VDAC2: variants seen among roughly 807,000 people sequenced by gnomAD.
VDAC2 encodes voltage dependent anion channel 2.
A neutral mutation model predicts 36.6 loss-of-function variants in VDAC2; 6 were observed. That is an observed-to-expected ratio of 0.16 (90% confidence interval 0.09 to 0.32). The LOEUF (loss-of-function observed/expected upper bound fraction) is 0.32, where lower values mean the gene tolerates loss of function less well. VDAC2 is among the 10% of genes least tolerant of loss of function. The pLI is 1.00. For synonymous variants in VDAC2, 109 were observed against 123.8 expected (o/e 0.88, Z 0.79); for missense variants, 247 against 346.0 (o/e 0.71, Z 2.27).
chr10:75,225,730 T>C (rs1207342857), intron 8 of VDAC2, among the ~76,000 whole-genome samples: 1 of 152,220 alleles, frequency 6.6e-6, no homozygotes, highest in Non-Finnish European at 1.5e-5. Flanking sequence ...TGATAAACTT[T>C]GCATACCTCA....
At chr10:75,227,527 T>G (rs930197338) in intron 8 of VDAC2, among the ~76,000 whole-genome samples, 5 of 151,714 alleles carry the variant, frequency 3.3e-5, no homozygotes, top group Non-Finnish European at 5.9e-5. Flanking sequence ...TTATTTTTTC[T>G]ACTCCTTATC....
chr10:75,215,342 TAGAG>T (rs938594679), intron 4 of VDAC2, among the ~76,000 whole-genome samples: 22 of 151,576 alleles, frequency 1.5e-4, no homozygotes, highest in African/African-American at 4.1e-4. Flanking sequence ...TGTATATATA[TAGAG>T]AGAGAGAGAC....
intron 7 of VDAC2, among the ~76,000 whole-genome samples, chr10:75,222,007 C>A (rs1379559445): frequency 6.6e-6 from 1 of 152,112 alleles, no homozygotes; most frequent in African/African-American, 2.4e-5. Flanking sequence ...TGTTTGAGAA[C>A]CTCTTGCATG....
intron 6 of VDAC2, among the ~76,000 whole-genome samples, chr10:75,220,252 T>G (rs1841771541): frequency 6.6e-6 from 1 of 152,116 alleles, no homozygotes; most frequent in South Asian, 2.1e-4. Context: ...ATTACAGGCA[T>G]ATGCCACCGT....
At chr10:75,225,468 G>T (rs1224742590) in intron 8 of VDAC2, among the ~76,000 whole-genome samples, 1 of 152,158 alleles carries the variant, frequency 6.6e-6, no homozygotes, top group Non-Finnish European at 1.5e-5. Context: ...AAGTTGTTTG[G>T]CAGGAATTCT....
intron 8 of VDAC2, among the ~76,000 whole-genome samples, chr10:75,226,728 C>T (rs1841964273): frequency 6.6e-6 from 1 of 152,064 alleles, no homozygotes; most frequent in South Asian, 2.1e-4. Flanking sequence ...TCCCAAAGTG[C>T]CGGGGTAACA....
At position 75,231,278 on chromosome 10, in the gene VDAC2, C is replaced by A. The variant is rs111321825; in HGVS notation, c.*289C>A. On this transcript the variant is annotated 3_prime_UTR_variant, in exon 10 of 10. Transcript: ENST00000332211. ...GAAATAGACCTTTATGAAAACTGTG[C>A]AATTGTGTGCATGTTTGTTTTTATG... 1 of 231,496 alleles carries A rather than the reference C, an allele frequency of 4.3e-6. No homozygotes were observed. Among genetic ancestry groups the A allele is most frequent in the Non-Finnish European group, 8.5e-6 (1 of 117,272 alleles). The allele number at this position is 231,496 out of a possible 1,614,324, so 14.3% of individuals were successfully genotyped here.
rs756180973 is a variant in VDAC2, at chr10:75,230,884, T to A, written c.794-14T>A. On this transcript the variant is annotated splice_polypyrimidine_tract_variant and intron_variant, in intron 9 of 9. Coordinates refer to ENST00000332211, the MANE Select transcript of VDAC2 (RefSeq NM_001391963.1). ...ATCACGGTTTTTTGTTTTTGTGTTTTTTTGTCTTAATAGGTGTGAAGCTTA... is the reference window on the plus strand; with the variant it reads ...ATCACGGTTTTTTGTTTTTGTGTTTATTTGTCTTAATAGGTGTGAAGCTTA... 2 of 1,608,086 alleles carry A rather than the reference T, an allele frequency of 1.2e-6. No individual in the cohort carries two copies. Among genetic ancestry groups the A allele is most frequent in the Non-Finnish European group, 8.5e-7 (1 of 1,177,382 alleles).
intron 8 of VDAC2, among the ~76,000 whole-genome samples, chr10:75,225,992 C>T (rs960672293): frequency 3.1e-4 from 47 of 152,010 alleles, no homozygotes; most frequent in Non-Finnish European, 5.9e-4. Context: ...GAGGTTTCGC[C>T]GTGTTGGCCA....
At chr10:75,223,629 G>A (rs1841881550) in intron 8 of VDAC2, among the ~76,000 whole-genome samples, 1 of 152,172 alleles carries the variant, frequency 6.6e-6, no homozygotes, top group African/African-American at 2.4e-5. Context: ...TCCTGGCATA[G>A]AACTCCTAAA....
chr10:75,225,008 A>G (rs771274869), intron 8 of VDAC2, among the ~76,000 whole-genome samples: 2 of 152,216 alleles, frequency 1.3e-5, no homozygotes, highest in Admixed American at 6.5e-5. Flanking sequence ...TTTTTGTACC[A>G]TGCTCATACT....
rs532264121 is a variant in VDAC2, at chr10:75,213,109, C to T, written c.100+811C>T. On this transcript the variant is annotated intron_variant, in intron 3 of 9. Transcript: ENST00000332211. ...TTTGTTTTTTTTTGAGACGGAATCT[C>T]GCTCTGTTGCCCAGGCTGGAGTACA... 3.3e-5 allele frequency among the ~76,000 whole-genome samples: 5 copies of T among 152,132 alleles called. No homozygotes were observed. The South Asian group carries it at 8.3e-4, about 25-fold the overall frequency.
intron 8 of VDAC2, among the ~76,000 whole-genome samples, chr10:75,228,450 G>T (rs920821066): frequency 1.3e-5 from 2 of 151,252 alleles, no homozygotes; most frequent in Non-Finnish European, 2.9e-5. Flanking sequence ...ACAGACAGGG[G>T]TCTCACCGTG....
intron 4 of VDAC2, 26 bp from the exon 5 acceptor site, chr10:75,219,037 C>A: frequency 6.3e-7 from 1 of 1,599,276 alleles, no homozygotes; most frequent in South Asian, 1.1e-5. Context: ...TGAGAATGTT[C>A]ATGAAGTTAT....
chr10:75,228,804 A>G (rs1474089620), intron 8 of VDAC2, among the ~76,000 whole-genome samples: 1 of 152,254 alleles, frequency 6.6e-6, no homozygotes, highest in Non-Finnish European at 1.5e-5. Flanking sequence ...GCAAAGTTGC[A>G]TGTCTAGGCA....
At chr10:75,210,657 CGGA>C (rs1006134639), upstream of VDAC2, 5 of 153,136 alleles carry the variant, frequency 3.3e-5, no homozygotes, top group African/African-American at 1.2e-4. Context: ...CACCGACGGA[CGGA>C]GGCAGCCCAC....
intron 2 of VDAC2, chr10:75,211,399 G>A: frequency 1.4e-6 from 2 of 1,437,792 alleles, no homozygotes; most frequent in Non-Finnish European, 1.8e-6. Flanking sequence ...GTTGGTCTGT[G>A]GCCGCATGGA....
At position 75,211,451 on chromosome 10, in the gene VDAC2, A is replaced by C. The variant is rs192876565; in HGVS notation, c.31+262A>C. ...CATGTCTTTGACGTATAGAAGTAAA[A>C]AGTTGTTAATTGGGGATTCTGCCTT... On this transcript the variant is annotated intron_variant, in intron 2 of 9. Coordinates refer to ENST00000332211, the MANE Select transcript of VDAC2 (RefSeq NM_001391963.1). The C allele has an allele frequency of 1.8e-4, 262 of 1,493,204 alleles. No homozygotes were observed. The African/African-American group carries it at 3.0e-3, about 17-fold the overall frequency. The allele number at this position is 1,493,204 out of a possible 1,614,324, so 92.5% of individuals were successfully genotyped here. A position where few individuals can be genotyped will look rare whatever the true frequency, so the allele number is the denominator to read the frequency against.
chr10:75,220,083 C>G (rs928190165), intron 6 of VDAC2, among the ~76,000 whole-genome samples: 3 of 151,550 alleles, frequency 2.0e-5, no homozygotes, highest in African/African-American at 7.3e-5. Context: ...ACCTCAGCCT[C>G]CCAAAGTGCT....
Sources: gnomAD v4.1 joint callset for allele counts (sites outside exome capture counted in the v4.1 genomes callset) on GRCh38, gnomAD v4.1.1 for gene constraint, MANE v1.5 for transcripts, NCBI Gene and HGNC (gene_info 2026-07-23, HGNC 2026-07-21) for gene names.